URM1: variants seen among roughly 807,000 people sequenced by gnomAD.
URM1 encodes the protein ubiquitin related modifier 1, also known as ubiquitin-related modifier 1.
In URM1, 11 loss-of-function variants were observed where a neutral mutation model predicts 17.7. That is an observed-to-expected ratio of 0.62 (90% CI 0.39 to 1.03). The LOEUF (loss-of-function observed/expected upper bound fraction) is 1.03, where lower values mean the gene tolerates loss of function less well. Ranked by LOEUF, URM1 falls within the 50% of genes least tolerant of loss-of-function variation. The pLI, the probability that URM1 is intolerant of heterozygous loss-of-function variation, is 0.00. For synonymous variants in URM1, 48 were observed against 50.6 expected, an observed-to-expected ratio of 0.95 and a Z score of 0.22; for missense variants, 128 against 129.2, an observed-to-expected ratio of 0.99 and a Z score of 0.04.
rs149523578 is a variant in URM1, at chr9:128,379,013, A to C, written c.106+907A>C. Among the ~76,000 whole-genome samples the C allele has an allele frequency of 2.3e-3, 351 of 151,372 alleles. 1 individual carries two copies. Among genetic ancestry groups the C allele is most frequent in the Non-Finnish European group, 2.0e-3 (135 of 67,888 alleles). The stretch of plus-strand genomic sequence containing the variant: ...GGCTGGGTAACTGTCAGGATAGCCT[A>C]GGGGCTGGGGACCGGATATGGCAGG... On this transcript the variant is annotated intron_variant, in intron 2 of 4. Transcript: ENST00000372853.
chr9:128,372,911 CAA>C (rs990027378), intron 1 of URM1, among the ~76,000 whole-genome samples: 9 of 133,836 alleles, frequency 6.7e-5, no homozygotes, highest in African/African-American at 5.5e-5. Flanking sequence ...TCATCTCTAC[CAA>C]AAAAAAAAAA....
rs2131304805 is a variant in URM1, at chr9:128,391,704, CAG to C, written c.*1975_*1976del. On this transcript the variant is annotated 3_prime_UTR_variant, in exon 5 of 5. Coordinates refer to ENST00000372853, the MANE Select transcript of URM1 (RefSeq NM_030914.4). ...GCGCTAGGATCCGTTTCCCTGGCTG[CAG>C]AGAGTGGGAGGTGTGATGTGGAATA... The C allele has an allele frequency of 6.6e-6, 1 of 152,336 alleles. No homozygotes were observed. The highest frequency in any genetic ancestry group is 2.4e-5 in the African/African-American group (1 of 41,560). The allele number at this position is 152,336 out of a possible 1,614,324, so 9.4% of individuals were successfully genotyped here.
At chr9:128,378,542 CAAAAAAAAAAAA>C (rs58676800) in intron 2 of URM1, among the ~76,000 whole-genome samples, 29 of 23,026 alleles carry the variant, frequency 1.3e-3, no homozygotes, top group Admixed American at 2.9e-3. Flanking sequence ...GACTCCATCT[CAAAAAAAAAAAA>C]AAAAAAAAAA....
At chr9:128,389,520 G>T (rs750569263) in intron 4 of URM1, 146 bp from the exon 5 acceptor site, 17 of 1,547,292 alleles carry the variant, frequency 1.1e-5, no homozygotes, top group Non-Finnish European at 1.4e-5. Context: ...CTGAAGATTT[G>T]CAGGTTGAGG....
intron 3 of URM1, chr9:128,388,371 C>G: frequency 1.0e-6 from 1 of 989,576 alleles, no homozygotes; most frequent in Non-Finnish European, 1.2e-6. Context: ...CGTGCACACA[C>G]CCATGCACAT....
At position 128,373,926 on chromosome 9, in the gene URM1, G is replaced by T. The variant is rs180993534; in HGVS notation, c.35+2511G>T. On this transcript the variant is annotated intron_variant, in intron 1 of 4. Transcript: ENST00000372853. ...AATATATATATACGTGTATATGTATGTGTATATACAGAAGATTAAAAGATG... is the reference window on the plus strand; with the variant it reads ...AATATATATATACGTGTATATGTATTTGTATATACAGAAGATTAAAAGATG... Among the ~76,000 whole-genome samples, 12 of 152,318 alleles carry T rather than the reference G, an allele frequency of 7.9e-5. No homozygotes were observed. In the East Asian group the frequency reaches 2.1e-3, roughly 27 times the overall value.
At chr9:128,372,761 A>C (rs1833029320) in intron 1 of URM1, among the ~76,000 whole-genome samples, 1 of 152,156 alleles carries the variant, frequency 6.6e-6, no homozygotes, top group African/African-American at 2.4e-5. Flanking sequence ...GAAAGAGAGA[A>C]GCCACAGACT....
intron 3 of URM1, chr9:128,388,901 C>A (rs567704711): frequency 1.5e-4 from 163 of 1,056,616 alleles, no homozygotes; most frequent in Middle Eastern, 8.8e-4. Context: ...GTGGCAAGCA[C>A]TCCACACATA....
At chr9:128,384,227 A>G (rs927038118) in intron 2 of URM1, among the ~76,000 whole-genome samples, 2 of 152,164 alleles carry the variant, frequency 1.3e-5, no homozygotes, top group African/African-American at 4.8e-5. Flanking sequence ...AGCAGCTCTC[A>G]TTGCCTGCTC....
chr9:128,382,555 C>T (rs1200560028), intron 2 of URM1, among the ~76,000 whole-genome samples: 2 of 152,138 alleles, frequency 1.3e-5, no homozygotes, highest in South Asian at 2.1e-4. Context: ...GCTTCCAACC[C>T]AGCCAATTTG....
intron 1 of URM1, among the ~76,000 whole-genome samples, chr9:128,373,410 C>T (rs1194307529): frequency 6.6e-6 from 1 of 152,082 alleles, no homozygotes; most frequent in East Asian, 1.9e-4. Flanking sequence ...CTAACACGCC[C>T]TTCATTTTCT....
chr9:128,381,672 C>G (rs1266112088), intron 2 of URM1, among the ~76,000 whole-genome samples: 3 of 152,184 alleles, frequency 2.0e-5, no homozygotes, highest in African/African-American at 7.2e-5. Context: ...GGGCGCAGAG[C>G]AAGACTCCGT....
rs866165607 is a variant in URM1 at position 128,389,850 on chromosome 9, T to C, written c.*116T>C. On this transcript the variant is annotated 3_prime_UTR_variant, in exon 5 of 5. Transcript: ENST00000372853. The stretch of plus-strand genomic sequence containing the variant: ...CTTGCCTGCCTTCTTCCCTGCTCTG[T>C]CCCCTAAGCTCCCTCCAGGCAGGGA... 54 of 1,363,382 alleles carry C rather than the reference T, an allele frequency of 4.0e-5. 1 individual carries two copies. The Middle Eastern group carries it at 2.1e-3, about 54-fold the overall frequency. 84.5% of individuals were successfully genotyped at this position (1,363,382 alleles called of 1,614,324 possible).
chr9:128,374,270 C>A (rs548107820), intron 1 of URM1, among the ~76,000 whole-genome samples: 1 of 152,136 alleles, frequency 6.6e-6, no homozygotes, highest in South Asian at 2.1e-4. Flanking sequence ...ACTCTCTGAG[C>A]GAGACTGGTT....
chr9:128,372,962 A>G (rs1266081875), intron 1 of URM1, among the ~76,000 whole-genome samples: 1 of 151,738 alleles, frequency 6.6e-6, no homozygotes, highest in Non-Finnish European at 1.5e-5. Flanking sequence ...TTTCATCCTC[A>G]TGAGTCAGAC....
rs202152524 is a variant in URM1, at chr9:128,377,934, C to T, written c.36-102C>T. The T allele has an allele frequency of 1.1e-3, 1,379 of 1,209,752 alleles. 1 individual carries two copies. Among genetic ancestry groups the T allele is most frequent in the Non-Finnish European group, 8.3e-4 (686 of 825,664 alleles). 74.9% of individuals were successfully genotyped at this position (1,209,752 alleles called of 1,614,324 possible). A position where few individuals can be genotyped will look rare whatever the true frequency, so the allele number is the denominator to read the frequency against. ...TCTGCACCTTAGTCTCTGCTTCTCT[C>T]GGCCTTCATTACCAGCCCTATCCTC... On this transcript the variant is annotated intron_variant, in intron 1 of 4. Coordinates refer to ENST00000372853, the MANE Select transcript of URM1 (RefSeq NM_030914.4).
intron 2 of URM1, among the ~76,000 whole-genome samples, chr9:128,386,286 A>C (rs936919282): frequency 1.3e-5 from 2 of 152,192 alleles, no homozygotes; most frequent in African/African-American, 2.4e-5. Context: ...ATGGAGGCCA[A>C]GGGGATTCAG....
intron 2 of URM1, 99 bp downstream of exon 2, chr9:128,378,205 T>A (rs754172235): frequency 1.3e-5 from 10 of 791,826 alleles, no homozygotes; most frequent in Non-Finnish European, 2.0e-5. Context: ...TCTGCATCCG[T>A]GTGCTAAGCT....
At chr9:128,376,827 A>C (rs1833084697) in intron 1 of URM1, among the ~76,000 whole-genome samples, 1 of 152,044 alleles carries the variant, frequency 6.6e-6, no homozygotes, top group South Asian at 2.1e-4. Flanking sequence ...TCTCTACAAA[A>C]AGTACAAAAT....
Sources: allele counts gnomAD v4.1 joint callset (sites outside exome capture counted in the v4.1 genomes callset), GRCh38; gene constraint gnomAD v4.1.1; transcripts MANE v1.5; gene names NCBI Gene and HGNC (gene_info 2026-07-23, HGNC 2026-07-21).